Variants in ZNF536 observed in about 807,000 individuals in gnomAD.
ZNF536 encodes the protein zinc finger protein 536.
Under a neutral mutation model 84.5 loss-of-function variants are expected in ZNF536, and 13 were observed. The observed-to-expected ratio is 0.15, with a 90% CI of 0.10 to 0.24. The LOEUF (loss-of-function observed/expected upper bound fraction) is 0.24, where lower values mean the gene tolerates loss of function less well. Among genes scored for constraint, ZNF536 ranks in the 10% least tolerant of loss-of-function variants. ZNF536 has a pLI of 1.00. For synonymous variants in ZNF536, 811 were observed against 742.5 expected, an observed-to-expected ratio of 1.09 and a Z score of -1.50; for missense variants, 1,536 against 1,747.5, an observed-to-expected ratio of 0.88 and a Z score of 2.16.
intron 2 of ZNF536, among the ~76,000 whole-genome samples, chr19:30,458,259 G>A (rs759491236): frequency 4.6e-5 from 7 of 152,034 alleles, no homozygotes; most frequent in Non-Finnish European, 1.0e-4. Flanking sequence ...GTGGGGAAGT[G>A]TAGAAGATTC....
chr19:30,236,290 G>T (rs998585234), intron 1 of ZNF536, among the ~76,000 whole-genome samples: 1 of 152,236 alleles, frequency 6.6e-6, no homozygotes, highest in East Asian at 1.9e-4. Flanking sequence ...GCCACAGCCT[G>T]CCTGGAGCTC....
chr19:30,483,308 G>A (rs2054162221), intron 2 of ZNF536, among the ~76,000 whole-genome samples: 1 of 152,126 alleles, frequency 6.6e-6, no homozygotes. Context: ...GGAAAACATG[G>A]TCCTCTCCCC....
chr19:30,661,983 T>A (rs1186801323), intron 1 of ZNF536, among the ~76,000 whole-genome samples: 1 of 152,264 alleles, frequency 6.6e-6, no homozygotes, highest in Non-Finnish European at 1.5e-5. Flanking sequence ...CCAAATATTC[T>A]ATGTGTTTGA....
At chr19:30,295,999 C>T (rs1397925060) in intron 2 of ZNF536, among the ~76,000 whole-genome samples, 3 of 152,200 alleles carry the variant, frequency 2.0e-5, no homozygotes, top group African/African-American at 7.2e-5. Flanking sequence ...CAGTGTCGGG[C>T]AGGGCAGGTT....
At chr19:30,553,122 C>A (rs148831445) in intron 4 of ZNF536, among the ~76,000 whole-genome samples, 38 of 152,238 alleles carry the variant, frequency 2.5e-4, no homozygotes, top group African/African-American at 7.9e-4. Context: ...TTGGATATGC[C>A]CTTGGTTTTA....
At chr19:30,603,869 C>T (rs1437411673) in intron 1 of ZNF536, among the ~76,000 whole-genome samples, 1 of 152,150 alleles carries the variant, frequency 6.6e-6, no homozygotes, top group African/African-American at 2.4e-5. Context: ...GGGGGTGGAT[C>T]ACCTGAGATC....
chr19:30,646,931 AT>A (rs1253813340), intron 1 of ZNF536, among the ~76,000 whole-genome samples: 2 of 152,038 alleles, frequency 1.3e-5, no homozygotes, highest in East Asian at 3.9e-4. Flanking sequence ...TTTTATCCTA[AT>A]CTCTTCATAG....
intron 1 of ZNF536, among the ~76,000 whole-genome samples, chr19:30,375,618 G>A (rs1042325089): frequency 6.6e-6 from 1 of 152,230 alleles, no homozygotes; most frequent in African/African-American, 2.4e-5. Flanking sequence ...TGGGGGTAGG[G>A]GCAGGTGTCC....
rs907620110 is a variant in ZNF536, at chr19:30,278,485, G to T, written c.-189-5587G>T. On this transcript the variant is annotated intron_variant, in intron 1 of 5. Coordinates refer to the ZNF536 transcript ENST00000585628. ...TTTATATATGAAAGGAGCTCCCGGG[G>T]AGTCATTTACCAACTCTAGCAGGGC... 4.6e-5 allele frequency among the ~76,000 whole-genome samples: 7 copies of T among 152,210 alleles called. 1 individual carries two copies. The highest frequency in any genetic ancestry group is 3.9e-4 in the Admixed American group (6 of 15,292).
chr19:30,667,817 C>G (rs1030267554), intron 1 of ZNF536, among the ~76,000 whole-genome samples: 29 of 152,056 alleles, frequency 1.9e-4, no homozygotes, highest in African/African-American at 6.8e-4. Flanking sequence ...TTAGTATACA[C>G]TCAGCATGTC....
At chr19:30,403,778 G>A (rs1192048470) in intron 1 of ZNF536, among the ~76,000 whole-genome samples, 1 of 152,182 alleles carries the variant, frequency 6.6e-6, no homozygotes, top group Non-Finnish European at 1.5e-5. Flanking sequence ...CCCTGGGCAT[G>A]CTGTCCCCCT....
intron 1 of ZNF536, among the ~76,000 whole-genome samples, chr19:30,628,409 C>A (rs187085156): frequency 1.3e-5 from 2 of 150,892 alleles, no homozygotes; most frequent in African/African-American, 4.9e-5. Flanking sequence ...CGCTGCAGAG[C>A]TCCAGCTCAT....
At chr19:30,637,293 T>G (rs547363127) in intron 1 of ZNF536, among the ~76,000 whole-genome samples, 157 of 152,314 alleles carry the variant, frequency 1.0e-3, no homozygotes, top group African/African-American at 3.7e-3. Context: ...TTGGCATAGC[T>G]GGGTATCATG....
intron 1 of ZNF536, among the ~76,000 whole-genome samples, chr19:30,650,206 C>A (rs75586606): frequency 0.016 from 2,378 of 152,230 alleles, 57 homozygotes; most frequent in African/African-American, 0.053. Context: ...GAGGCCATTG[C>A]GAAAATACTT....
intron 1 of ZNF536, among the ~76,000 whole-genome samples, chr19:30,603,394 T>C (rs952389033): frequency 6.6e-6 from 1 of 152,212 alleles, no homozygotes; most frequent in African/African-American, 2.4e-5. Context: ...AAGCCATAGA[T>C]CCGATGGAGA....
intron 2 of ZNF536, among the ~76,000 whole-genome samples, chr19:30,324,910 G>A (rs1022081527): frequency 6.6e-6 from 1 of 152,142 alleles, no homozygotes. Flanking sequence ...CACTAGTGGC[G>A]AACAACAGTC....
At chr19:30,419,143 C>T (rs2050852760) in intron 1 of ZNF536, among the ~76,000 whole-genome samples, 1 of 152,134 alleles carries the variant, frequency 6.6e-6, no homozygotes, top group Non-Finnish European at 1.5e-5. Context: ...AAACTGTAGC[C>T]ATAGCTGTAT....
chr19:30,441,172 T>A (rs2052030043), intron 1 of ZNF536, among the ~76,000 whole-genome samples: 1 of 152,178 alleles, frequency 6.6e-6, no homozygotes, highest in African/African-American at 2.4e-5. Flanking sequence ...AACCTGAAAA[T>A]AGCCCGTCTT....
At chr19:30,649,779 AG>A (rs1255758523) in intron 1 of ZNF536, among the ~76,000 whole-genome samples, 1 of 152,144 alleles carries the variant, frequency 6.6e-6, no homozygotes, top group Non-Finnish European at 1.5e-5. Flanking sequence ...TTAATTTAGA[AG>A]GGGGCTGACT....
Sources: gnomAD v4.1 joint callset for allele counts (sites outside exome capture counted in the v4.1 genomes callset) on GRCh38, gnomAD v4.1.1 for gene constraint, MANE v1.5 for transcripts, NCBI Gene and HGNC (gene_info 2026-07-23, HGNC 2026-07-21) for gene names.